ADARB1: variants seen among roughly 807,000 people sequenced by gnomAD.
ADARB1 encodes the protein double-stranded RNA-specific editase 1.
Under a neutral mutation model 52.4 loss-of-function variants are expected in ADARB1, and 10 were observed. The ratio of observed to expected loss-of-function variants is 0.19; its 90% confidence interval spans 0.12 to 0.32. The LOEUF (loss-of-function observed/expected upper bound fraction) is 0.32, where lower values mean the gene tolerates loss of function less well. ADARB1 is among the 10% of genes least tolerant of loss of function. ADARB1 has a pLI of 1.00. For missense variants in ADARB1, 643 were observed against 922.3 expected, an observed-to-expected ratio of 0.70 and a Z score of 3.92; for synonymous variants, 349 against 371.1, an observed-to-expected ratio of 0.94 and a Z score of 0.68.
At chr21:45,139,933 C>CTTTTTT (rs200847132) in intron 2 of ADARB1, among the ~76,000 whole-genome samples, 2 of 84,936 alleles carry the variant, frequency 2.4e-5, no homozygotes, top group African/African-American at 4.6e-5. Flanking sequence ...CAATAAAACT[C>CTTTTTT]TTTTTTTTTT....
chr21:45,089,891 CT>C (rs1411823777), intron 1 of ADARB1, among the ~76,000 whole-genome samples: 1 of 152,196 alleles, frequency 6.6e-6, no homozygotes, highest in Admixed American at 6.5e-5. Context: ...ATGCGTCTTC[CT>C]TTCTAAGCTT....
intron 1 of ADARB1, among the ~76,000 whole-genome samples, chr21:45,078,054 A>G (rs76249617): frequency 6.8e-6 from 1 of 146,944 alleles, no homozygotes; most frequent in African/African-American, 2.5e-5. Flanking sequence ...AATTATCACA[A>G]TTTTTTTTTT....
At chr21:45,209,165 A>G (rs2092720765) in intron 9 of ADARB1, among the ~76,000 whole-genome samples, 1 of 152,160 alleles carries the variant, frequency 6.6e-6, no homozygotes, top group African/African-American at 2.4e-5. Flanking sequence ...TTTTTATTCC[A>G]CACTCTTCCC....
chr21:45,134,647 A>T (rs955589600), intron 2 of ADARB1: 2 of 431,930 alleles, frequency 4.6e-6, no homozygotes, highest in Non-Finnish European at 9.3e-6. Context: ...ATCCCTATGG[A>T]CAAGGCAGTA....
intron 2 of ADARB1, among the ~76,000 whole-genome samples, chr21:45,130,509 C>A (rs958880965): frequency 6.6e-5 from 10 of 152,320 alleles, no homozygotes; most frequent in Non-Finnish European, 8.8e-5. Context: ...TATTTCCTTT[C>A]TTTCATAAAA....
At chr21:45,130,739 G>A (rs2088881641) in intron 2 of ADARB1, among the ~76,000 whole-genome samples, 2 of 152,100 alleles carry the variant, frequency 1.3e-5, no homozygotes, top group South Asian at 4.1e-4. Flanking sequence ...CGCACTGCAG[G>A]GCTGTGGGGA....
Position 45,223,426 on chromosome 21 carries a change from G to A in ADARB1, c.*1229G>A, listed in dbSNP as rs756831391. 3.2e-5 allele frequency: 32 copies of A among 985,788 alleles called. No homozygotes were observed. Among genetic ancestry groups the A allele is most frequent in the African/African-American group, 5.2e-5 (3 of 57,366 alleles). 61.1% of individuals were successfully genotyped at this position (985,788 alleles called of 1,614,324 possible). A position where few individuals can be genotyped will look rare whatever the true frequency, so the allele number is the denominator to read the frequency against. On this transcript the variant is annotated 3_prime_UTR_variant, in exon 11 of 11. Coordinates refer to ENST00000348831, the MANE Select transcript of ADARB1 (RefSeq NM_001112.4). ...AGTCAGCCCGGGAGGTCAGGAGCGC[G>A]GCGGGCGAGGGCCCTGTGTGGACCA...
intron 8 of ADARB1, among the ~76,000 whole-genome samples, chr21:45,192,675 C>T (rs1051157922): frequency 6.6e-6 from 1 of 151,762 alleles, no homozygotes; most frequent in Non-Finnish European, 1.5e-5. Context: ...CAGTGAAGCA[C>T]CAAATGTGTA....
Position 45,224,233 on chromosome 21 carries a change from A to G in ADARB1, c.*2036A>G, listed in dbSNP as rs951073919. On this transcript the variant is annotated 3_prime_UTR_variant, in exon 11 of 11. Coordinates refer to ENST00000348831, the MANE Select transcript of ADARB1 (RefSeq NM_001112.4). ...ACCAAGTTTAGTGTTAATATATTCC[A>G]TATACATACAAAACTACCCGGTATG... 19 of 985,330 alleles carry G rather than the reference A, an allele frequency of 1.9e-5. No homozygotes were observed. The African/African-American group carries it at 2.8e-4, about 14-fold the overall frequency. The allele number at this position is 985,330 out of a possible 1,614,324, so 61.0% of individuals were successfully genotyped here.
intron 1 of ADARB1, among the ~76,000 whole-genome samples, chr21:45,075,621 T>C (rs567605166): frequency 1.3e-5 from 2 of 152,138 alleles, no homozygotes; most frequent in Admixed American, 1.3e-4. Flanking sequence ...AGAAGGAAAA[T>C]TATTGCGTGG....
chr21:45,191,984 G>C (rs1243098743), intron 8 of ADARB1, among the ~76,000 whole-genome samples: 2 of 144,532 alleles, frequency 1.4e-5, no homozygotes, highest in Non-Finnish European at 3.0e-5. Flanking sequence ...GTCCTTTTCT[G>C]GTTACTAGTT....
At chr21:45,210,313 TACGGAC>T (rs1234862187) in intron 9 of ADARB1, among the ~76,000 whole-genome samples, 1 of 152,214 alleles carries the variant, frequency 6.6e-6, no homozygotes, top group Non-Finnish European at 1.5e-5. Context: ...ACACTGTTGT[TACGGAC>T]ACGGTGATAG....
At position 45,113,515 on chromosome 21, in the gene ADARB1, GTGTGTGTGTA is replaced by G. The variant is rs2087661968; in HGVS notation, c.-219-14885_-219-14876del. On this transcript the variant is annotated intron_variant, in intron 1 of 10. Transcript: ENST00000348831. Reference sequence around the variant, plus strand: ...TGTATATATGTGTGTGTGTGTGTGTGTGTGTGTGTATATATATATATATGTTGACATGTGA... The same window carrying G: ...TGTATATATGTGTGTGTGTGTGTGTGTATATATATATATGTTGACATGTGA... Among the ~76,000 whole-genome samples, 17 of 150,096 alleles carry G rather than the reference GTGTGTGTGTA, an allele frequency of 1.1e-4. No individual in the cohort carries two copies. In the South Asian group the frequency reaches 3.5e-3, roughly 31 times the overall value.
intron 1 of ADARB1, among the ~76,000 whole-genome samples, chr21:45,086,868 G>A (rs1279983545): frequency 6.6e-6 from 1 of 152,210 alleles, no homozygotes; most frequent in Non-Finnish European, 1.5e-5. Flanking sequence ...TAAGACAGAA[G>A]CCTTTGTTTG....
intron 1 of ADARB1, among the ~76,000 whole-genome samples, chr21:45,111,752 T>A (rs2087546478): frequency 6.6e-6 from 1 of 152,218 alleles, no homozygotes; most frequent in Non-Finnish European, 1.5e-5. Flanking sequence ...TTTGACCATA[T>A]CATATATTCA....
chr21:45,178,509 C>T lies in ADARB1; in HGVS notation c.964-1821C>T, dbSNP rs554885378. 1.4e-4 allele frequency among the ~76,000 whole-genome samples: 21 copies of T among 152,336 alleles called. No individual in the cohort carries two copies. The South Asian group carries it at 3.5e-3, about 26-fold the overall frequency. ...GTCTTTGGAGCCCCCAGGATAGCCC[C>T]GGAATGTGACGTGTTCCTTGTAGGA... On this transcript the variant is annotated intron_variant, in intron 4 of 10. Transcript: ENST00000348831.
intron 8 of ADARB1, among the ~76,000 whole-genome samples, chr21:45,189,816 A>G (rs1346230796): frequency 1.3e-5 from 2 of 151,650 alleles, no homozygotes; most frequent in Non-Finnish European, 2.9e-5. Context: ...AGAAAGCCAC[A>G]GGTCTTATGA....
At chr21:45,107,611 C>T (rs1395533026) in intron 1 of ADARB1, among the ~76,000 whole-genome samples, 1 of 152,040 alleles carries the variant, frequency 6.6e-6, no homozygotes, top group African/African-American at 2.4e-5. Flanking sequence ...TTGTTAGAGT[C>T]AACGTTCTTG....
chr21:45,181,621 C>T (rs75282669), intron 5 of ADARB1: 4,163 of 152,466 alleles, frequency 0.027, 83 homozygotes, highest in Non-Finnish European at 0.043. Context: ...TTGTTTTTAA[C>T]GACCTTAGAA....
Sources: gnomAD v4.1 joint callset for allele counts (sites outside exome capture counted in the v4.1 genomes callset) on GRCh38, gnomAD v4.1.1 for gene constraint, MANE v1.5 for transcripts, NCBI Gene and HGNC (gene_info 2026-07-23, HGNC 2026-07-21) for gene names.